Variants in NTAQ1 observed in about 807,000 individuals in gnomAD.
NTAQ1 encodes protein N-terminal glutamine amidohydrolase.
In NTAQ1, 21 loss-of-function variants were observed where a neutral mutation model predicts 28.2. That is an observed-to-expected ratio of 0.74 (90% CI 0.53 to 1.07). NTAQ1 has a LOEUF of 1.07. Among genes scored for constraint, NTAQ1 ranks in the 50% least tolerant of loss-of-function variants. The pLI is 0.00. For missense variants in NTAQ1, 264 were observed against 256.6 expected (o/e 1.03, Z -0.20); for synonymous variants, 105 against 90.0 (o/e 1.17, Z -0.94).
chr8:123,426,711 G>T (rs1814074249), intron 1 of NTAQ1, among the ~76,000 whole-genome samples: 4 of 152,222 alleles, frequency 2.6e-5, no homozygotes, highest in African/African-American at 9.6e-5. Context: ...TGTAATCCCA[G>T]CACTTTGGGA....
chr8:123,432,759 A>G (rs1375783102), intron 3 of NTAQ1, among the ~76,000 whole-genome samples: 1 of 149,712 alleles, frequency 6.7e-6, no homozygotes, highest in Non-Finnish European at 1.5e-5. Context: ...GGCTCACTGC[A>G]AACTCTGACC....
downstream of NTAQ1, among the ~76,000 whole-genome samples, chr8:123,471,468 A>G (rs1816041144): frequency 6.6e-6 from 1 of 152,214 alleles, no homozygotes; most frequent in East Asian, 1.9e-4. Context: ...GAGTTGGCTC[A>G]CATGATTATG....
intron 3 of NTAQ1, among the ~76,000 whole-genome samples, chr8:123,433,694 T>G (rs1258068283): frequency 6.6e-6 from 1 of 152,036 alleles, no homozygotes; most frequent in Admixed American, 6.6e-5. Flanking sequence ...GTGATCCACC[T>G]GCCTCGGCCT....
rs1275464294 is a variant in NTAQ1, at chr8:123,416,895, C to A, written c.46C>A (p.Pro16Thr). The change falls in exon 1 of 6, where the codon CCC (proline) becomes ACC (threonine). Residue 16 changes from proline (P) to threonine (T), a missense_variant. Coordinates refer to ENST00000287387, the MANE Select transcript of NTAQ1 (RefSeq NM_018024.3). ...TGCTGTCCACTACCAGCCGGCCAGCCCCCCGCGGGACGCCTGCGTCTACAG... is the reference window on the plus strand; with the variant it reads ...TGCTGTCCACTACCAGCCGGCCAGCACCCCGCGGGACGCCTGCGTCTACAG... ...PAAVHYQPAS[P>T]PRDACVYSSC... The A allele has an allele frequency of 6.6e-7, 1 of 1,526,538 alleles. No homozygotes were observed. The highest frequency in any genetic ancestry group is 8.8e-7 in the Non-Finnish European group (1 of 1,137,736). 94.6% of individuals were successfully genotyped at this position (1,526,538 alleles called of 1,614,324 possible). A position where few individuals can be genotyped will look rare whatever the true frequency, so the allele number is the denominator to read the frequency against.
chr8:123,418,898 T>C (rs1813482851), intron 1 of NTAQ1, among the ~76,000 whole-genome samples: 1 of 152,176 alleles, frequency 6.6e-6, no homozygotes, highest in South Asian at 2.1e-4. Flanking sequence ...CCCTGGCTTC[T>C]ACCCACTAGA....
intron 6 of NTAQ1, among the ~76,000 whole-genome samples, chr8:123,461,579 T>G (rs1261922632): frequency 6.6e-6 from 1 of 152,182 alleles, no homozygotes; most frequent in Non-Finnish European, 1.5e-5. Context: ...CTACCATGCT[T>G]AGTATCTGCT....
At position 123,441,331 on chromosome 8, in the gene NTAQ1, C is replaced by A; in HGVS notation, c.534C>A (p.Phe178Leu). 6.2e-7 allele frequency: 1 copy of A among 1,611,198 alleles called. No homozygotes were observed. ...TGDSKMNLNDFISMDPKVGWG... is the reference protein window; with the variant it reads ...TGDSKMNLNDLISMDPKVGWG... ...ATTCCAAAATGAACCTGAACGATTT[C>A]ATCAGTATGGATCCCAAGGTAGGAT... is the stretch of plus-strand genomic sequence containing the variant. The change falls in exon 6 of 6, where the codon TTC becomes TTA. Residue 178 changes from phenylalanine to leucine, a missense_variant. By Grantham distance (22) the Phe-to-Leu change is conservative. Transcript: ENST00000287387.
At chr8:123,452,899 AC>A (rs1815545111), downstream of NTAQ1, among the ~76,000 whole-genome samples, 2 of 149,988 alleles carry the variant, frequency 1.3e-5, no homozygotes, top group South Asian at 4.2e-4. Flanking sequence ...CTCAAAAAAA[AC>A]AAAACAAAAC....
chr8:123,449,953 A>ATC (rs1815435915), downstream of NTAQ1, among the ~76,000 whole-genome samples: 1 of 20,046 alleles, frequency 5.0e-5, no homozygotes, highest in Non-Finnish European at 1.2e-4. Context: ...GTGTGTGCAT[A>ATC]TATATATATA....
At chr8:123,433,283 G>C (rs1159765157) in intron 3 of NTAQ1, among the ~76,000 whole-genome samples, 1 of 152,164 alleles carries the variant, frequency 6.6e-6, no homozygotes, top group East Asian at 1.9e-4. Context: ...CTAGAGAGTT[G>C]TGAATAGTCA....
chr8:123,425,932 G>A (rs1199577224), intron 1 of NTAQ1, among the ~76,000 whole-genome samples: 2 of 152,186 alleles, frequency 1.3e-5, no homozygotes, highest in African/African-American at 4.8e-5. Context: ...GCTGAGGCAG[G>A]AGAATCGCTT....
chr8:123,430,129 G>T, intron 3 of NTAQ1, 96 bp downstream of exon 3: 1 of 812,594 alleles, frequency 1.2e-6, no homozygotes, highest in South Asian at 2.0e-5. Flanking sequence ...CTAAGCAGTA[G>T]AGAAAGGCTA....
chr8:123,434,061 C>T (rs952548552), intron 3 of NTAQ1, among the ~76,000 whole-genome samples: 9 of 151,978 alleles, frequency 5.9e-5, no homozygotes, highest in African/African-American at 9.7e-5. Context: ...CCAGTTATCT[C>T]CATTTTATAA....
At chr8:123,451,759 A>G (rs1815500866), downstream of NTAQ1, among the ~76,000 whole-genome samples, 1 of 152,204 alleles carries the variant, frequency 6.6e-6, no homozygotes, top group South Asian at 2.1e-4. Context: ...ATATTCCTCA[A>G]GCATTCAATA....
intron 6 of NTAQ1, among the ~76,000 whole-genome samples, chr8:123,453,655 A>G (rs928781524): frequency 6.6e-6 from 1 of 151,910 alleles, no homozygotes; most frequent in Non-Finnish European, 1.5e-5. Context: ...CGAATTCCTG[A>G]CCTCAGGTGA....
intron 5 of NTAQ1, among the ~76,000 whole-genome samples, chr8:123,438,644 C>T (rs566683113): frequency 1.7e-4 from 25 of 149,836 alleles, no homozygotes; most frequent in Non-Finnish European, 2.5e-4. Flanking sequence ...TGCACTCCAG[C>T]CTGAGTGACA....
rs760875774 is a variant in NTAQ1, at chr8:123,441,421, G to T, written c.*6G>T. The T allele has an allele frequency of 6.3e-7, 1 of 1,599,264 alleles. No individual in the cohort carries two copies. ...TTGGCAGTAAAAACTGCTGAACTTG[G>T]TCTCAAGATGTGGAACTGTGGAGAA... On this transcript the variant is annotated 3_prime_UTR_variant, in exon 6 of 6. Coordinates refer to ENST00000287387, the MANE Select transcript of NTAQ1 (RefSeq NM_018024.3).
At chr8:123,424,615 CCAAGGTCTTAAACTTCTGACCTCAGGT>C (rs552754036) in intron 1 of NTAQ1, among the ~76,000 whole-genome samples, 54,712 of 151,560 alleles carry the variant, frequency 0.36, 9,937 homozygotes, top group East Asian at 0.56. Flanking sequence ...CTCAGGTGAT[CCAAGGTCTTAAACTTCTGACCTCAGGT>C]GATCCGCCTG....
chr8:123,416,942 C>T lies in NTAQ1; in HGVS notation c.83+10C>T. The stretch of plus-strand genomic sequence containing the variant: ...ACAGCAGCTGCTACTGGTGAGGGGG[C>T]GCGGGCGCAGCCTCTGGGTCTCCCA... On this transcript the variant is annotated intron_variant, in intron 1 of 5. Transcript: ENST00000287387. The T allele has an allele frequency of 6.8e-7, 1 of 1,478,420 alleles. No individual in the cohort carries two copies. The allele number at this position is 1,478,420 out of a possible 1,614,324, so 91.6% of individuals were successfully genotyped here.
Sources: allele counts gnomAD v4.1 joint callset (sites outside exome capture counted in the v4.1 genomes callset), GRCh38; gene constraint gnomAD v4.1.1; transcripts MANE v1.5; gene names NCBI Gene and HGNC (gene_info 2026-07-23, HGNC 2026-07-21).